Variants in PCOLCE2 observed in about 807,000 individuals in gnomAD.
PCOLCE2 encodes the protein procollagen C-endopeptidase enhancer 2.
PCOLCE2 carries 42 observed loss-of-function variants against 47.0 expected under a neutral mutation model. That is an observed-to-expected ratio of 0.89 (90% CI 0.70 to 1.16). The LOEUF is 1.16. Ranked by LOEUF, PCOLCE2 falls within the 50% of genes most tolerant of loss-of-function variation. PCOLCE2 has a pLI of 0.00. For synonymous variants in PCOLCE2, 169 were observed against 191.7 expected, an observed-to-expected ratio of 0.88 and a Z score of 0.98; for missense variants, 500 against 526.1, an observed-to-expected ratio of 0.95 and a Z score of 0.49.
intron 2 of PCOLCE2, among the ~76,000 whole-genome samples, chr3:142,860,112 T>C (rs1373941183): frequency 6.6e-6 from 1 of 152,192 alleles, no homozygotes; most frequent in African/African-American, 2.4e-5. Context: ...TTAACAGCAA[T>C]GGGAAATAAG....
Position 142,888,876 on chromosome 3 carries a change from C to T in PCOLCE2, c.21G>A (p.Trp7Ter). MRGANAWAPLCLLLAAA... is the reference protein window; with the variant it reads MRGANA ...CAGCCAGCAGCAGGCAGAGTGGCGC[C>T]CAGGCGTTCGCGCCCCTCATGGCAG... The change falls in exon 1 of 9, where the codon TGG (tryptophan) becomes TGA (stop). Residue 7 changes from tryptophan to a stop codon, truncating the protein, a stop_gained. Transcript: ENST00000295992. LOFTEE classifies it high-confidence loss of function. 2 of 1,534,452 alleles carry T rather than the reference C, an allele frequency of 1.3e-6. No individual in the cohort carries two copies. The highest frequency in any genetic ancestry group is 2.1e-5 in the Admixed American group (1 of 48,622).
chr3:142,884,179 T>A (rs1226059952), intron 2 of PCOLCE2, among the ~76,000 whole-genome samples: 1 of 152,196 alleles, frequency 6.6e-6, no homozygotes, highest in Non-Finnish European at 1.5e-5. Flanking sequence ...AATCTCAAAC[T>A]GCAGAAGAAC....
rs149248203 is a variant in PCOLCE2, at chr3:142,876,538, G to C, written c.192+11131C>G. On this transcript the variant is annotated intron_variant, in intron 2 of 8. Coordinates refer to ENST00000295992, the MANE Select transcript of PCOLCE2 (RefSeq NM_013363.4). ...TACTCTTATTTGTTATGGTTCTGTG[G>C]GTCACTGGTCTCAGCTGGATGGTTC... is the stretch of plus-strand genomic sequence containing the variant. 1.3e-4 allele frequency among the ~76,000 whole-genome samples: 20 copies of C among 152,228 alleles called. No homozygotes were observed. In the East Asian group the frequency reaches 3.9e-3, roughly 29 times the overall value.
intron 2 of PCOLCE2, among the ~76,000 whole-genome samples, chr3:142,859,269 G>T (rs1234810820): frequency 1.3e-5 from 2 of 151,818 alleles, no homozygotes; most frequent in Non-Finnish European, 2.9e-5. Context: ...CACCATATTG[G>T]TCAGGCTGGT....
At chr3:142,857,727 G>C (rs1933092692) in intron 2 of PCOLCE2, among the ~76,000 whole-genome samples, 1 of 152,208 alleles carries the variant, frequency 6.6e-6, no homozygotes, top group Non-Finnish European at 1.5e-5. Context: ...TCTAATGTTT[G>C]AAGCTGCCTT....
At position 142,887,775 on chromosome 3, in the gene PCOLCE2, G is replaced by A; in HGVS notation, c.86C>T (p.Pro29Leu). ...AAGAATGCCACCACATGTGAAAACA[G>A]GTCTGGGAACATAAAAGAAGAAAAG... Reference protein sequence around the residue: ...QLSRQQSPERPVFTCGGILTG... With the variant: ...QLSRQQSPERLVFTCGGILTG... The change falls in exon 2 of 9, where the codon CCT becomes CTT. Residue 29 changes from proline to leucine, a missense_variant and splice_region_variant. Transcript: ENST00000295992. 1 of 1,544,698 alleles carries A rather than the reference G, an allele frequency of 6.5e-7. No individual in the cohort carries two copies. The highest frequency in any genetic ancestry group is 1.1e-5 in the South Asian group (1 of 88,890).
intron 6 of PCOLCE2, chr3:142,827,772 G>T (rs1247708651): frequency 1.5e-6 from 1 of 656,182 alleles, no homozygotes; most frequent in Non-Finnish European, 2.6e-6. Flanking sequence ...TTTAGTCTGG[G>T]GACCCGTGTA....
At chr3:142,865,397 G>A (rs1265822586) in intron 2 of PCOLCE2, among the ~76,000 whole-genome samples, 4 of 151,950 alleles carry the variant, frequency 2.6e-5, no homozygotes. Flanking sequence ...TTGTAATAAA[G>A]ATGAACATCT....
chr3:142,879,697 C>T (rs572521980), intron 2 of PCOLCE2, among the ~76,000 whole-genome samples: 169 of 152,278 alleles, frequency 1.1e-3, no homozygotes, highest in Non-Finnish European at 1.8e-3. Context: ...TGGCCGGGCA[C>T]GGTGGCTCAC....
At chr3:142,826,596 T>C (rs28460347) in intron 6 of PCOLCE2, among the ~76,000 whole-genome samples, 5,578 of 152,144 alleles carry the variant, frequency 0.037, 348 homozygotes, top group African/African-American at 0.13. Context: ...AGCCTCTCCT[T>C]CTTCTTTAAG....
intron 2 of PCOLCE2, among the ~76,000 whole-genome samples, chr3:142,884,664 C>T (rs2108213648): frequency 6.6e-6 from 1 of 152,306 alleles, no homozygotes; most frequent in South Asian, 2.1e-4. Flanking sequence ...AAAGCTGAGT[C>T]AAGAGTCTTG....
At chr3:142,876,285 GTATT>G (rs1354287644) in intron 2 of PCOLCE2, among the ~76,000 whole-genome samples, 6 of 152,192 alleles carry the variant, frequency 3.9e-5, no homozygotes, top group South Asian at 2.1e-4. Flanking sequence ...TATTTTTTGA[GTATT>G]TACCATTTGC....
At chr3:142,886,283 T>C (rs973357427) in intron 2 of PCOLCE2, among the ~76,000 whole-genome samples, 1 of 152,220 alleles carries the variant, frequency 6.6e-6, no homozygotes, top group African/African-American at 2.4e-5. Flanking sequence ...TCAGAACACA[T>C]GGCCAACCAT....
chr3:142,875,840 G>A (rs892256658), intron 2 of PCOLCE2, among the ~76,000 whole-genome samples: 1 of 152,084 alleles, frequency 6.6e-6, no homozygotes, highest in Non-Finnish European at 1.5e-5. Context: ...TCTCTCAAAA[G>A]TCAAAAACCA....
intron 2 of PCOLCE2, among the ~76,000 whole-genome samples, chr3:142,874,572 A>G (rs1933462311): frequency 6.6e-6 from 1 of 152,236 alleles, no homozygotes. Flanking sequence ...GTGAAAATGA[A>G]CTAATACATC....
chr3:142,819,598 T>C (rs1254292216), intron 8 of PCOLCE2, among the ~76,000 whole-genome samples: 2 of 152,222 alleles, frequency 1.3e-5, no homozygotes, highest in East Asian at 3.8e-4. Context: ...GCTACTAGCC[T>C]CCTGACTTTT....
chr3:142,872,367 C>A (rs1933407636), intron 2 of PCOLCE2, among the ~76,000 whole-genome samples: 1 of 152,100 alleles, frequency 6.6e-6, no homozygotes, highest in Non-Finnish European at 1.5e-5. Context: ...ATTTCACTCA[C>A]AATGGCCCAC....
intron 2 of PCOLCE2, among the ~76,000 whole-genome samples, chr3:142,875,603 A>G (rs1158700496): frequency 6.6e-6 from 1 of 152,222 alleles, no homozygotes; most frequent in East Asian, 1.9e-4. Flanking sequence ...TACTCTGAAC[A>G]GACCGATGAA....
chr3:142,831,048 G>A (rs1937147040), intron 5 of PCOLCE2, among the ~76,000 whole-genome samples: 1 of 152,248 alleles, frequency 6.6e-6, no homozygotes, highest in African/African-American at 2.4e-5. Context: ...TTCTGAGCCA[G>A]GGGATGAGAT....
Sources: gnomAD v4.1 joint callset for allele counts (sites outside exome capture counted in the v4.1 genomes callset) on GRCh38, gnomAD v4.1.1 for gene constraint, MANE v1.5 for transcripts, NCBI Gene and HGNC (gene_info 2026-07-23, HGNC 2026-07-21) for gene names.